BCAT1: variants seen among roughly 807,000 people sequenced by gnomAD.
BCAT1 encodes the protein branched chain amino acid transaminase 1, also known as branched-chain-amino-acid aminotransferase, cytosolic.
A neutral mutation model predicts 52.4 loss-of-function variants in BCAT1; 48 were observed. The ratio of observed to expected loss-of-function variants is 0.92; its 90% confidence interval spans 0.73 to 1.16. The LOEUF (loss-of-function observed/expected upper bound fraction) is 1.16, where lower values mean the gene tolerates loss of function less well. Ranked by LOEUF, BCAT1 falls within the 50% of genes most tolerant of loss-of-function variation. The pLI is 0.00. For synonymous variants in BCAT1, 167 were observed against 161.3 expected (o/e 1.04, Z -0.27); for missense variants, 451 against 457.1 (o/e 0.99, Z 0.12).
At chr12:24,880,166 A>C (rs1247964550) in intron 4 of BCAT1, among the ~76,000 whole-genome samples, 1 of 152,168 alleles carries the variant, frequency 6.6e-6, no homozygotes, top group Non-Finnish European at 1.5e-5. Flanking sequence ...TAAATCCCTG[A>C]AGCTGGGCAC....
intron 1 of BCAT1, among the ~76,000 whole-genome samples, chr12:24,931,649 G>A (rs963121763): frequency 1.4e-4 from 22 of 152,250 alleles, no homozygotes; most frequent in African/African-American, 4.8e-4. Flanking sequence ...AAATTCTGAC[G>A]AAAAATCATT....
intron 5 of BCAT1, among the ~76,000 whole-genome samples, chr12:24,862,581 G>T (rs1941874312): frequency 2.0e-5 from 3 of 152,142 alleles, no homozygotes; most frequent in Admixed American, 2.0e-4. Flanking sequence ...GACTTGTGAT[G>T]CATGCTGCAT....
chr12:24,903,132 C>G (rs906712873), intron 1 of BCAT1: 2 of 1,316,328 alleles, frequency 1.5e-6, no homozygotes, highest in African/African-American at 3.1e-5. Context: ...CGCGCCAGGG[C>G]CAGGCGCAGG....
chr12:24,826,100 T>C (rs1454084108), intron 10 of BCAT1, among the ~76,000 whole-genome samples: 1 of 152,106 alleles, frequency 6.6e-6, no homozygotes, highest in Non-Finnish European at 1.5e-5. Context: ...TGGTTCTAGC[T>C]ACATGGAAAG....
At chr12:24,873,465 C>T (rs544544903) in intron 5 of BCAT1, among the ~76,000 whole-genome samples, 47 of 152,276 alleles carry the variant, frequency 3.1e-4, no homozygotes, top group African/African-American at 9.4e-4. Flanking sequence ...TAATATCCAA[C>T]AAAGTACATG....
chr12:24,854,740 T>C (rs74071945), intron 5 of BCAT1, among the ~76,000 whole-genome samples: 138 of 152,338 alleles, frequency 9.1e-4, no homozygotes, highest in African/African-American at 3.2e-3. Flanking sequence ...ATTCCTATTT[T>C]TAGGTTGAGG....
intron 1 of BCAT1, among the ~76,000 whole-genome samples, chr12:24,938,031 C>A (rs940828763): frequency 2.0e-5 from 3 of 152,144 alleles, no homozygotes; most frequent in Non-Finnish European, 2.9e-5. Flanking sequence ...GGGCCATCCA[C>A]ATGCACCTTA....
At chr12:24,880,266 T>C (rs1266385245) in intron 4 of BCAT1, among the ~76,000 whole-genome samples, 2 of 152,202 alleles carry the variant, frequency 1.3e-5, no homozygotes, top group East Asian at 1.9e-4. Flanking sequence ...CTGGCTAACA[T>C]GGTGAAATCA....
intron 1 of BCAT1, among the ~76,000 whole-genome samples, chr12:24,941,917 GA>G (rs1406569546): frequency 6.6e-6 from 1 of 152,132 alleles, no homozygotes; most frequent in Admixed American, 6.6e-5. Flanking sequence ...GCAAATATAA[GA>G]ACACATTTTG....
intron 1 of BCAT1, 62 bp from the exon 2 acceptor site, chr12:24,901,947 C>T (rs753281031): frequency 6.2e-7 from 1 of 1,613,046 alleles, no homozygotes; most frequent in South Asian, 1.1e-5. Flanking sequence ...CCCGGGGTAA[C>T]CTACGTGACG....
intron 5 of BCAT1, among the ~76,000 whole-genome samples, chr12:24,859,336 G>T (rs562165802): frequency 4.9e-4 from 75 of 152,268 alleles, no homozygotes; most frequent in African/African-American, 1.8e-3. Context: ...AAAGGATTTT[G>T]CTTGCTGGGC....
intron 1 of BCAT1, chr12:24,904,685 C>T (rs1026425534): frequency 1.3e-5 from 2 of 152,188 alleles, no homozygotes; most frequent in Non-Finnish European, 2.9e-5. Context: ...CCATCTGTCT[C>T]CTGAGCAGTA....
chr12:24,847,203 T>G lies in BCAT1; in HGVS notation c.674+2583A>C, dbSNP rs190901930. Among the ~76,000 whole-genome samples, 8 of 152,318 alleles carry G rather than the reference T, an allele frequency of 5.3e-5. No homozygotes were observed. In the East Asian group the frequency reaches 1.3e-3, roughly 26 times the overall value. On this transcript the variant is annotated intron_variant, in intron 6 of 10. Transcript: ENST00000261192. Reference sequence around the variant, plus strand: ...ATTAGGTTGGTTTGTTTTTAAAGACTTCAGGTTTTTTTCAGAGCAGTTTTA... The same window carrying G: ...ATTAGGTTGGTTTGTTTTTAAAGACGTCAGGTTTTTTTCAGAGCAGTTTTA...
chr12:24,876,879 T>G (rs1010828705), intron 5 of BCAT1, among the ~76,000 whole-genome samples: 1 of 152,046 alleles, frequency 6.6e-6, no homozygotes, highest in African/African-American at 2.4e-5. Flanking sequence ...ATGGGTTGAT[T>G]TGTACAGCAA....
intron 5 of BCAT1, among the ~76,000 whole-genome samples, chr12:24,857,478 TTATCTATC>T (rs372477265): frequency 0.04 from 6,080 of 152,116 alleles, 389 homozygotes; most frequent in African/African-American, 0.14. Context: ...ATGTCCAAGA[TTATCTATC>T]TATCTATCTA....
At chr12:24,840,691 T>G (rs956150588) in intron 7 of BCAT1, among the ~76,000 whole-genome samples, 1 of 152,220 alleles carries the variant, frequency 6.6e-6, no homozygotes, top group Non-Finnish European at 1.5e-5. Flanking sequence ...AACACTAAAA[T>G]TAGTACTTAG....
chr12:24,938,221 C>G (rs919966235), intron 1 of BCAT1, among the ~76,000 whole-genome samples: 1 of 152,078 alleles, frequency 6.6e-6, no homozygotes, highest in Non-Finnish European at 1.5e-5. Flanking sequence ...CATGTGGAAA[C>G]AGTACTGGGC....
At chr12:24,874,207 A>G (rs1021516084) in intron 5 of BCAT1, among the ~76,000 whole-genome samples, 2 of 152,152 alleles carry the variant, frequency 1.3e-5, no homozygotes. Flanking sequence ...CCCGCTAATC[A>G]GGAGGCTGAG....
At chr12:24,871,356 C>T (rs1012800145) in intron 5 of BCAT1, among the ~76,000 whole-genome samples, 8 of 152,108 alleles carry the variant, frequency 5.3e-5, no homozygotes, top group Non-Finnish European at 8.8e-5. Flanking sequence ...GAAGATGCCT[C>T]GCATCATGAA....
Sources: allele counts gnomAD v4.1 joint callset (sites outside exome capture counted in the v4.1 genomes callset), GRCh38; gene constraint gnomAD v4.1.1; transcripts MANE v1.5; gene names NCBI Gene and HGNC (gene_info 2026-07-23, HGNC 2026-07-21).